Variants in USP35 observed in about 807,000 individuals in gnomAD.
USP35 encodes ubiquitin specific peptidase 35, also known as ubiquitin carboxyl-terminal hydrolase 35.
A neutral mutation model predicts 83.8 loss-of-function variants in USP35; 69 were observed. The observed-to-expected ratio is 0.82, with a 90% CI of 0.68 to 1.01. USP35 has a LOEUF of 1.01. USP35 is among the 50% of genes least tolerant of loss of function. The probability of loss-of-function intolerance (pLI) is 0.00; values close to 1 mark genes in which losing one functional copy is unlikely to be tolerated. For missense variants in USP35, 1,503 were observed against 1,362.5 expected (o/e 1.10, Z -1.62); for synonymous variants, 714 against 589.5 (o/e 1.21, Z -3.06).
At chr11:78,212,758 T>G (rs374598491) in intron 10 of USP35, among the ~76,000 whole-genome samples, 5 of 152,098 alleles carry the variant, frequency 3.3e-5, no homozygotes, top group African/African-American at 1.2e-4. Context: ...ATCTTGAGAG[T>G]TGCTGAAGTT....
the USP35 span, chr11:78,223,518 G>A: frequency 2.6e-5 from 42 of 1,613,032 alleles, no homozygotes; most frequent in Non-Finnish European, 3.6e-5. Flanking sequence ...AGCCAAGTGA[G>A]TCAAAGTGAT....
the USP35 span, chr11:78,220,240 G>C: frequency 6.6e-7 from 1 of 1,512,582 alleles, no homozygotes; most frequent in Admixed American, 1.7e-5. Context: ...GTTCAGTGTT[G>C]AAGGCACCCT....
At position 78,209,430 on chromosome 11, in the gene USP35, C is replaced by T. The variant is rs1863648369; in HGVS notation, c.1593-18C>T. The T allele has an allele frequency of 3.2e-6, 5 of 1,577,352 alleles. No individual in the cohort carries two copies. Among genetic ancestry groups the T allele is most frequent in the African/African-American group, 1.3e-5 (1 of 74,202 alleles). On this transcript the variant is annotated intron_variant, in intron 9 of 10. Transcript: ENST00000529308. ...GGACCCGCATGTACATGTAGTGACTCTGTGCTCTCTGCCCCAGGCTGCACG... is the reference window on the plus strand; with the variant it reads ...GGACCCGCATGTACATGTAGTGACTTTGTGCTCTCTGCCCCAGGCTGCACG...
At chr11:78,212,712 G>C (rs1201550076) in intron 10 of USP35, among the ~76,000 whole-genome samples, 1 of 152,200 alleles carries the variant, frequency 6.6e-6, no homozygotes, top group East Asian at 1.9e-4. Context: ...GTATAGGAAT[G>C]CTAGCAATTT....
rs1555090835 is a variant in USP35 at position 78,215,199 on chromosome 11, A to AGTT, written c.*1386_*1387insGTT. 1 of 152,266 alleles carries AGTT rather than the reference A, an allele frequency of 6.6e-6. No homozygotes were observed. The highest frequency in any genetic ancestry group is 2.4e-5 in the African/African-American group (1 of 41,384). The allele number at this position is 152,266 out of a possible 1,614,324, so 9.4% of individuals were successfully genotyped here. ...TTATTCACAGCCAAGAAAAATACCC[A>AGTT]ATTATTTCCAAATAAAGCAAAAATT... On this transcript the variant is annotated 3_prime_UTR_variant, in exon 11 of 11. Coordinates refer to ENST00000529308, the MANE Select transcript of USP35 (RefSeq NM_020798.4).
At position 78,207,602 on chromosome 11, in the gene USP35, T is replaced by C; in HGVS notation, c.1464T>C (p.Phe488=). The change falls in exon 8 of 11, where the codon TTT becomes TTC. Residue 488 remains phenylalanine, a synonymous_variant. Transcript: ENST00000529308. ...TGATGACCAAGCTGCAGTGGCTCTTTGGCTTCCTAGAACACAGCCAGGTGA... is the reference window on the plus strand; with the variant it reads ...TGATGACCAAGCTGCAGTGGCTCTTCGGCTTCCTAGAACACAGCCAGGTGA... ...QPLMTKLQWL[F]GFLEHSQRPA... is the part of the protein sequence containing the mutation. The C allele has an allele frequency of 6.2e-7, 1 of 1,614,094 alleles. No homozygotes were observed.
In USP35 at chr11:78,213,676, G is replaced by T; in HGVS notation, c.2920G>T (p.Ala974Ser). 2 of 1,511,208 alleles carry T rather than the reference G, an allele frequency of 1.3e-6. No individual in the cohort carries two copies. The highest frequency in any genetic ancestry group is 8.8e-7 in the Non-Finnish European group (1 of 1,137,794). 93.6% of individuals were successfully genotyped at this position (1,511,208 alleles called of 1,614,324 possible). A position where few individuals can be genotyped will look rare whatever the true frequency, so the allele number is the denominator to read the frequency against. ...GGAGAAGGAGGCCCGGAGCAGGGCG[G>T]CCTACATCTCTGCACTCCCCACATC... Reference protein sequence around the residue: ...EQEKEARSRAAYISALPTSPH... With the variant: ...EQEKEARSRASYISALPTSPH... The change falls in exon 11 of 11, where the codon GCC (alanine) becomes TCC (serine). Residue 974 changes from alanine to serine, a missense_variant. By Grantham distance (99) the Ala-to-Ser change is moderately conservative. Transcript: ENST00000529308.
the USP35 span, chr11:78,221,764 G>A: frequency 6.2e-7 from 1 of 1,612,904 alleles, no homozygotes. Context: ...GGGAGGAGCT[G>A]GAGTTGAAGG....
chr11:78,223,129 A>G, the USP35 span, among the ~76,000 whole-genome samples: 1 of 152,222 alleles, frequency 6.6e-6, no homozygotes. Flanking sequence ...GTGAGATTGT[A>G]GCAGACGAGG....
the USP35 span, chr11:78,220,242 A>AGG: frequency 1.3e-6 from 2 of 1,519,698 alleles, no homozygotes; most frequent in Non-Finnish European, 1.8e-6. Context: ...TCAGTGTTGA[A>AGG]GGCACCCTGG....
At chr11:78,209,045 G>T (rs1445256705) in intron 9 of USP35, 82 bp downstream of exon 9, 4 of 1,398,210 alleles carry the variant, frequency 2.9e-6, no homozygotes, top group Non-Finnish European at 3.9e-6. Flanking sequence ...CTGTGTTGCA[G>T]CGTCCAGGGA....
At chr11:78,191,806 GC>G (rs1278592551) in intron 1 of USP35, among the ~76,000 whole-genome samples, 2 of 151,406 alleles carry the variant, frequency 1.3e-5, no homozygotes, top group African/African-American at 4.9e-5. Context: ...GTGCCAGGTG[GC>G]CCAAAAATAG....
chr11:78,210,362 C>T lies in USP35; in HGVS notation c.2507C>T (p.Pro836Leu), dbSNP rs1446112172. 6.2e-7 allele frequency: 1 copy of T among 1,613,628 alleles called. No homozygotes were observed. The highest frequency in any genetic ancestry group is 8.5e-7 in the Non-Finnish European group (1 of 1,179,944). Reference sequence around the variant, plus strand: ...TCCATCCCCCTGCTGCTCCGCCTGCCACTGGCTGGTGGCCGTGGCCAGGCC... The same window carrying T: ...TCCATCCCCCTGCTGCTCCGCCTGCTACTGGCTGGTGGCCGTGGCCAGGCC... ...DVSIPLLLRLPLAGGRGQAYD... is the reference protein window; with the variant it reads ...DVSIPLLLRLLLAGGRGQAYD... The change falls in exon 10 of 11, where the codon CCA becomes CTA. Residue 836 changes from proline (P) to leucine (L), a missense_variant. Transcript: ENST00000529308.
the USP35 span, chr11:78,225,260 C>T: frequency 1.8e-6 from 2 of 1,118,264 alleles, no homozygotes; most frequent in East Asian, 2.4e-5. Context: ...TTGACACTTA[C>T]CCATACCCTC....
chr11:78,236,784 T>A, the USP35 span, among the ~76,000 whole-genome samples: 1 of 152,192 alleles, frequency 6.6e-6, no homozygotes, highest in African/African-American at 2.4e-5. Context: ...TGTTTTTTTT[T>A]TGAAGTCAAA....
chr11:78,205,233 A>G (rs2450126), intron 6 of USP35, among the ~76,000 whole-genome samples: 24,748 of 152,216 alleles, frequency 0.16, 2,578 homozygotes, highest in East Asian at 0.42. Context: ...TGTAGGGTCA[A>G]GTTTTGGGGA....
chr11:78,231,214 T>C, the USP35 span, among the ~76,000 whole-genome samples: 4 of 152,002 alleles, frequency 2.6e-5, no homozygotes, highest in Non-Finnish European at 5.9e-5. Flanking sequence ...AGAGAAGATA[T>C]TCCCTCAAGC....
chr11:78,220,282 A>T, the USP35 span: 1 of 1,610,296 alleles, frequency 6.2e-7, no homozygotes, highest in Non-Finnish European at 8.5e-7. Flanking sequence ...CGGGACCCTG[A>T]GAGCTCTTAC....
chr11:78,200,672 T>A lies in USP35; in HGVS notation c.1061T>A (p.Met354Lys). The A allele has an allele frequency of 6.2e-7, 1 of 1,612,748 alleles. No homozygotes were observed. ...CAGCTCCTCCCTCACATCCCCCCCA[T>A]GGTGGCCTCTCTGGTCAAGGAGGAC... ...FHLLLPHIPP[M>K]VASLVKEDSN... is the part of the protein sequence containing the mutation. Residue 354 changes from methionine to lysine, a missense_variant, in exon 6 of 11, where the codon ATG (methionine) becomes AAG (lysine). Met to Lys is a moderately conservative substitution (Grantham distance 95). Transcript: ENST00000529308.
Sources: allele counts gnomAD v4.1 joint callset (sites outside exome capture counted in the v4.1 genomes callset), GRCh38; gene constraint gnomAD v4.1.1; transcripts MANE v1.5; gene names NCBI Gene and HGNC (gene_info 2026-07-23, HGNC 2026-07-21).